PSPH: variants seen among roughly 807,000 people sequenced by gnomAD.
PSPH encodes the protein L-3-phosphoserine phosphatase.
PSPH carries 16 observed loss-of-function variants against 23.4 expected under a neutral mutation model. The observed-to-expected ratio is 0.68, with a 90% confidence interval of 0.46 to 1.04. PSPH has a LOEUF of 1.04. Ranked by LOEUF, PSPH falls within the 50% of genes least tolerant of loss-of-function variation. The pLI, the probability that PSPH is intolerant of heterozygous loss-of-function variation, is 0.00. For missense variants in PSPH, 223 were observed against 273.7 expected (o/e 0.81, Z 1.31); for synonymous variants, 68 against 99.7 (o/e 0.68, Z 1.89).
At chr7:56,017,424 GAAAAA>G in intron 5 of PSPH, 45 bp from the exon 6 acceptor site, 1 of 874,334 alleles carries the variant, frequency 1.1e-6, no homozygotes, top group Non-Finnish European at 1.5e-6. Flanking sequence ...TAATACAAAA[GAAAAA>G]AAAAAAAAAA....
intron 3 of PSPH, among the ~76,000 whole-genome samples, chr7:56,029,600 T>G (rs953927129): frequency 6.6e-6 from 1 of 152,048 alleles, no homozygotes; most frequent in Non-Finnish European, 1.5e-5. Context: ...GGTCTGATTT[T>G]GGATAAGAGG....
intron 3 of PSPH, among the ~76,000 whole-genome samples, chr7:56,023,220 G>GCTGTTTCTT (rs1789708336): frequency 6.6e-6 from 1 of 152,004 alleles, no homozygotes; most frequent in Non-Finnish European, 1.5e-5. Flanking sequence ...AACTCTGGAA[G>GCTGTTTCTT]CCACACTGCT....
chr7:56,030,682 T>A (rs1790856254), intron 3 of PSPH, among the ~76,000 whole-genome samples: 1 of 144,688 alleles, frequency 6.9e-6, no homozygotes, highest in Admixed American at 7.0e-5. Context: ...GCAACTCACT[T>A]GAGATCAAGA....
intron 3 of PSPH, among the ~76,000 whole-genome samples, chr7:56,030,846 C>G (rs990039423): frequency 2.0e-5 from 3 of 151,724 alleles, no homozygotes; most frequent in African/African-American, 7.3e-5. Context: ...TTGCAGTGAG[C>G]CGAGATCACA....
chr7:56,029,158 A>G (rs1399633031), intron 3 of PSPH, among the ~76,000 whole-genome samples: 1 of 152,052 alleles, frequency 6.6e-6, no homozygotes, highest in South Asian at 2.1e-4. Context: ...GTGACTCACA[A>G]TCTATGCGTA....
intron 3 of PSPH, among the ~76,000 whole-genome samples, chr7:56,022,425 G>C (rs1789591991): frequency 6.6e-6 from 1 of 152,152 alleles, no homozygotes; most frequent in Non-Finnish European, 1.5e-5. Flanking sequence ...GGTTGTCAAA[G>C]GGCAGGGCAT....
chr7:56,023,929 T>TG lies in PSPH; in HGVS notation c.-19-2699_-19-2698insC, dbSNP rs1462917577. 4.0e-5 allele frequency among the ~76,000 whole-genome samples: 6 copies of TG among 151,840 alleles called. No homozygotes were observed. The East Asian group carries it at 1.2e-3, about 30-fold the overall frequency. On this transcript the variant is annotated intron_variant, in intron 3 of 7. Coordinates refer to ENST00000275605, the MANE Select transcript of PSPH (RefSeq NM_004577.4). ...CATTTATTTTATTTTACTTTTTTTT[T>TG]TTGTTTTTTTTGTTTGAGACAGAGT... is the stretch of plus-strand genomic sequence containing the variant.
chr7:56,045,654 G>A (rs1362600575), intron 1 of PSPH, among the ~76,000 whole-genome samples: 27 of 151,936 alleles, frequency 1.8e-4, no homozygotes, highest in African/African-American at 5.8e-4. Context: ...TTGGGAGGCC[G>A]AGGCAGGTGG....
chr7:56,049,314 G>T (rs764177236), intron 1 of PSPH, among the ~76,000 whole-genome samples: 4 of 152,114 alleles, frequency 2.6e-5, no homozygotes, highest in Non-Finnish European at 4.4e-5. Flanking sequence ...AGGTCCCAGT[G>T]TGTGATGTTC....
At chr7:56,047,664 AC>A (rs1793431365) in intron 1 of PSPH, among the ~76,000 whole-genome samples, 1 of 148,870 alleles carries the variant, frequency 6.7e-6, no homozygotes, top group South Asian at 2.1e-4. Flanking sequence ...AAAATGAATA[AC>A]CTGCTTTTTT....
chr7:56,025,664 A>G (rs573372157), intron 3 of PSPH, among the ~76,000 whole-genome samples: 12 of 151,060 alleles, frequency 7.9e-5, no homozygotes, highest in Non-Finnish European at 1.2e-4. Flanking sequence ...TGCAATCTCG[A>G]CTCACTGCAA....
intron 1 of PSPH, among the ~76,000 whole-genome samples, chr7:56,036,488 G>A (rs1791741373): frequency 6.6e-6 from 1 of 151,882 alleles, no homozygotes; most frequent in African/African-American, 2.4e-5. Flanking sequence ...ATCTGGCTGG[G>A]TGTGGTGGTG....
At chr7:56,029,658 G>C (rs988362792) in intron 3 of PSPH, among the ~76,000 whole-genome samples, 1 of 152,060 alleles carries the variant, frequency 6.6e-6, no homozygotes, top group Non-Finnish European at 1.5e-5. Flanking sequence ...CTCAATCTCT[G>C]TATCTTTCAA....
At chr7:56,019,760 C>A in intron 4 of PSPH, 26 bp from the exon 5 acceptor site, 1 of 1,611,124 alleles carries the variant, frequency 6.2e-7, no homozygotes, top group Non-Finnish European at 8.5e-7. Context: ...AACAGTCAGG[C>A]CAGCCAGGTC....
At chr7:56,044,426 A>G (rs1792961460) in intron 1 of PSPH, among the ~76,000 whole-genome samples, 1 of 152,192 alleles carries the variant, frequency 6.6e-6, no homozygotes, top group Admixed American at 6.6e-5. Flanking sequence ...CTACTCTGAC[A>G]ATACAGAAAT....
intron 6 of PSPH, among the ~76,000 whole-genome samples, chr7:56,016,601 G>A (rs1432222753): frequency 6.6e-6 from 1 of 151,236 alleles, no homozygotes; most frequent in Non-Finnish European, 1.5e-5. Context: ...ACAGGGTCTC[G>A]CTCTGTCACC....
chr7:56,049,183 C>T (rs1460646312), intron 1 of PSPH, among the ~76,000 whole-genome samples: 1 of 151,938 alleles, frequency 6.6e-6, no homozygotes, highest in Non-Finnish European at 1.5e-5. Context: ...CTCGGCCTCC[C>T]AAAGTGCTGG....
intron 1 of PSPH, among the ~76,000 whole-genome samples, chr7:56,045,886 C>CAAAAA (rs34528611): frequency 3.7e-5 from 4 of 108,188 alleles, no homozygotes; most frequent in Non-Finnish European, 7.4e-5. Context: ...GACTTTGTCT[C>CAAAAA]AAAAAAAAAA....
chr7:56,014,764 C>T (rs570674147), intron 7 of PSPH, among the ~76,000 whole-genome samples: 1 of 152,034 alleles, frequency 6.6e-6, no homozygotes, highest in South Asian at 2.1e-4. Context: ...GCCAACGTGG[C>T]GAAACATTGT....
Sources: gnomAD v4.1 joint callset for allele counts (sites outside exome capture counted in the v4.1 genomes callset) on GRCh38, gnomAD v4.1.1 for gene constraint, MANE v1.5 for transcripts, NCBI Gene and HGNC (gene_info 2026-07-23, HGNC 2026-07-21) for gene names.